The following PLEKHA4 variants were observed in gnomAD, a reference collection of about 807,000 sequenced individuals.
PLEKHA4 encodes the protein pleckstrin homology domain containing A4, also known as pleckstrin homology domain-containing family A member 4.
Under a neutral mutation model 94.7 loss-of-function variants are expected in PLEKHA4, and 73 were observed. That is an observed-to-expected ratio of 0.77 (90% CI 0.64 to 0.94). PLEKHA4 has a LOEUF of 0.94. PLEKHA4 is among the 40% of genes least tolerant of loss of function. The pLI is 0.00. For synonymous variants in PLEKHA4, 449 were observed against 437.1 expected (o/e 1.03, Z -0.34); for missense variants, 1,049 against 1,054.1 (o/e 1.00, Z 0.07).
chr19:48,844,123 T>G (rs946821034), intron 16 of PLEKHA4, among the ~76,000 whole-genome samples: 7 of 16,816 alleles, frequency 4.2e-4, no homozygotes, highest in African/African-American at 1.7e-3. Context: ...ATTTATTTTA[T>G]TATTATTATT....
intron 3 of PLEKHA4, among the ~76,000 whole-genome samples, chr19:48,863,464 T>C (rs2036721873): frequency 1.3e-5 from 2 of 150,094 alleles, no homozygotes; most frequent in Non-Finnish European, 3.0e-5. Flanking sequence ...GAGTCTTCGC[T>C]CTGTCACCCA....
rs527833159 is a variant in PLEKHA4, at chr19:48,837,199, C to G, written c.*90G>C. ...CGGGCCCGCAATGGGGACCAGACCA[C>G]GCCCCCTGATGCCCTGAGTGGTCCC... On this transcript the variant is annotated 3_prime_UTR_variant, in exon 20 of 20. Transcript: ENST00000263265. The surrounding 1 kb of genome is among the most constrained non-coding windows in gnomAD (Gnocchi z 4.3). 14 of 1,585,032 alleles carry G rather than the reference C, an allele frequency of 8.8e-6. No individual in the cohort carries two copies. The African/African-American group carries it at 1.6e-4, about 18-fold the overall frequency.
At position 48,867,653 on chromosome 19, in the gene PLEKHA4, G is replaced by GTC. The variant is rs1180181684; in HGVS notation, c.-6-29_-6-28dup. 6.4e-7 allele frequency: 1 copy of GTC among 1,561,894 alleles called. No individual in the cohort carries two copies. Among genetic ancestry groups the GTC allele is most frequent in the Non-Finnish European group, 8.7e-7 (1 of 1,151,298 alleles). On this transcript the variant is annotated intron_variant, in intron 1 of 19. Coordinates refer to ENST00000263265, the MANE Select transcript of PLEKHA4 (RefSeq NM_020904.3). The surrounding 1 kb of genome is among the most constrained non-coding windows in gnomAD (Gnocchi z 4.7). ...TGGGGGAGAGAAAGAAAGGGGCTGTGTCTCTGCAGTGACGGGTGTGAGACA... is the reference window on the plus strand; with the variant it reads ...TGGGGGAGAGAAAGAAAGGGGCTGTGTCTCTCTGCAGTGACGGGTGTGAGACA...
At chr19:48,849,631 A>G (rs1282338153) in intron 13 of PLEKHA4, among the ~76,000 whole-genome samples, 1 of 152,172 alleles carries the variant, frequency 6.6e-6, no homozygotes, top group Non-Finnish European at 1.5e-5. Context: ...TTAAAGATAC[A>G]TGATTTAGAA....
Position 48,839,243 on chromosome 19 carries a change from TC to T in PLEKHA4, c.1925del (p.Gly642GlufsTer49). The T allele has an allele frequency of 6.3e-7, 1 of 1,594,490 alleles. No individual in the cohort carries two copies. Among genetic ancestry groups the T allele is most frequent in the Non-Finnish European group, 8.6e-7 (1 of 1,167,206 alleles). ...VEQRPVVGHSGAQKWLRSSGS... is the reference protein window; with the variant it reads ...VEQRPVVGHSXAQKWLRSSGS... Reference sequence around the variant, plus strand: ...CAGAGCTTCTGAGCCATTTCTGGGCTCCCGAGTGTCCTACGACAGGCTGGAA... The same window carrying T: ...CAGAGCTTCTGAGCCATTTCTGGGCTCCGAGTGTCCTACGACAGGCTGGAA... On this transcript the variant is annotated frameshift_variant, in exon 18 of 20. Coordinates refer to ENST00000263265, the MANE Select transcript of PLEKHA4 (RefSeq NM_020904.3). LOFTEE classifies it high-confidence loss of function.
In PLEKHA4 at chr19:48,845,990, G is replaced by A. The variant is rs111371998; in HGVS notation, c.1567-374C>T. Among the ~76,000 whole-genome samples, 659 of 146,428 alleles carry A rather than the reference G, an allele frequency of 4.5e-3. 3 individuals are homozygous for A. Among genetic ancestry groups the A allele is most frequent in the African/African-American group, 0.016 (615 of 39,384 alleles). ...CGCACCACTGCACTCCAGCCTGGGC[G>A]GCAGAGCAAGACTCTGCCTCAAAAA... On this transcript the variant is annotated intron_variant, in intron 14 of 19. Transcript: ENST00000263265.
At position 48,853,662 on chromosome 19, in the gene PLEKHA4, G is replaced by C; in HGVS notation, c.1326+20C>G. The C allele has an allele frequency of 6.6e-7, 1 of 1,517,774 alleles. No homozygotes were observed. Among genetic ancestry groups the C allele is most frequent in the Non-Finnish European group, 8.8e-7 (1 of 1,135,844 alleles). 94.0% of individuals were successfully genotyped at this position (1,517,774 alleles called of 1,614,324 possible). A position where few individuals can be genotyped will look rare whatever the true frequency, so the allele number is the denominator to read the frequency against. On this transcript the variant is annotated intron_variant, in intron 12 of 19. Coordinates refer to ENST00000263265, the MANE Select transcript of PLEKHA4 (RefSeq NM_020904.3). ...GTCCTGGGGCCTCCTAGGAGGGCAG[G>C]CCCCTTCCCAGGTGCTCACCTGAGT... is the stretch of plus-strand genomic sequence containing the variant.
chr19:48,859,132 T>A lies in PLEKHA4; in HGVS notation c.700A>T (p.Thr234Ser), dbSNP rs199829240. ...GGCGAGGGAGGGCGAGAGAGGGGGG[T>A]GAACAGGCTGTGGGAAGGAGAGAAT... ...MRRARSPDLF[T>S]PLSRPPSPLS... Residue 234 changes from threonine to serine, a missense_variant, in exon 8 of 20, where the codon ACC becomes TCC. Coordinates refer to ENST00000263265, the MANE Select transcript of PLEKHA4 (RefSeq NM_020904.3). The A allele has an allele frequency of 3.4e-4, 511 of 1,500,534 alleles. 2 individuals carry two copies. In the East Asian group the frequency reaches 0.011, roughly 32 times the overall value. 93.0% of individuals were successfully genotyped at this position (1,500,534 alleles called of 1,614,324 possible). A position where few individuals can be genotyped will look rare whatever the true frequency, so the allele number is the denominator to read the frequency against.
intron 13 of PLEKHA4, among the ~76,000 whole-genome samples, chr19:48,850,341 T>G (rs1485526833): frequency 6.6e-6 from 1 of 151,154 alleles, no homozygotes; most frequent in Non-Finnish European, 1.5e-5. Context: ...CCATCTCTAC[T>G]AAAAATACAA....
Position 48,841,160 on chromosome 19 carries a change from CG to C in PLEKHA4, c.1893del (p.Asp631GlufsTer8). The C allele has an allele frequency of 1.2e-6, 2 of 1,609,894 alleles. No homozygotes were observed. The highest frequency in any genetic ancestry group is 1.7e-6 in the Non-Finnish European group (2 of 1,178,278). ...CCTCCTCCCCTCACCCTTTGCTCCA[CG>C]TCAGGCTGGCGTCTGGCTGGGGACA... ...RTLSPARRQP[D>X]VEQRPVVGHS... On this transcript the variant is annotated frameshift_variant, in exon 17 of 20. Coordinates refer to ENST00000263265, the MANE Select transcript of PLEKHA4 (RefSeq NM_020904.3). LOFTEE classifies it high-confidence loss of function.
At position 48,859,529 on chromosome 19, in the gene PLEKHA4, G is replaced by A. The variant is rs919108222; in HGVS notation, c.632C>T (p.Thr211Ile). ...SRGRGRPRLL[T>I]PSPTTDLHSG... Reference sequence around the variant, plus strand: ...GTGGAGGTCGGTTGTGGGGCTGGGAGTGAGCAGCCTGGGTCTACCACGACC... The same window carrying A: ...GTGGAGGTCGGTTGTGGGGCTGGGAATGAGCAGCCTGGGTCTACCACGACC... The change falls in exon 7 of 20, where the codon ACT (threonine) becomes ATT (isoleucine). Residue 211 changes from threonine (T) to isoleucine (I), a missense_variant. Coordinates refer to ENST00000263265, the MANE Select transcript of PLEKHA4 (RefSeq NM_020904.3). 6.2e-7 allele frequency: 1 copy of A among 1,614,086 alleles called. No individual in the cohort carries two copies. Among genetic ancestry groups the A allele is most frequent in the South Asian group, 1.1e-5 (1 of 91,086 alleles).
chr19:48,859,739 T>A, intron 6 of PLEKHA4, 55 bp from the exon 7 acceptor site: 1 of 1,493,680 alleles, frequency 6.7e-7, no homozygotes, highest in African/African-American at 1.4e-5. Flanking sequence ...AACAGCCCTA[T>A]TCTCTTGTCA....
At chr19:48,848,305 T>G (rs1249210704) in intron 13 of PLEKHA4, among the ~76,000 whole-genome samples, 1 of 143,500 alleles carries the variant, frequency 7.0e-6, no homozygotes, top group Non-Finnish European at 1.5e-5. Flanking sequence ...GCTAAAACGG[T>G]GAAACCCCGT....
chr19:48,865,546 T>A lies in PLEKHA4; in HGVS notation c.149A>T (p.Asp50Val). 6.2e-7 allele frequency: 1 copy of A among 1,614,028 alleles called. No homozygotes were observed. Among genetic ancestry groups the A allele is most frequent in the Admixed American group, 1.7e-5 (1 of 59,980 alleles). ...TCGGATGTGCACGGGAAGGTTGGGA[T>A]CCCTCCTGAGCGCATTGCCTCTCTT... ...FGKRGNALRR[D>V]PNLPVHIRGW... Residue 50 changes from aspartate (D) to valine (V), a missense_variant, in exon 3 of 20, where the codon GAT becomes GTT. Asp to Val is a radical substitution (Grantham distance 152). Coordinates refer to ENST00000263265, the MANE Select transcript of PLEKHA4 (RefSeq NM_020904.3).
chr19:48,864,768 T>A (rs756161945), intron 3 of PLEKHA4, among the ~76,000 whole-genome samples: 1 of 151,524 alleles, frequency 6.6e-6, no homozygotes, highest in Admixed American at 6.6e-5. Context: ...ATGAGGTTTC[T>A]TCATGTTGCC....
In PLEKHA4 at chr19:48,837,790, G is replaced by A. The variant is rs903791910; in HGVS notation, c.2077+227C>T. On this transcript the variant is annotated intron_variant, in intron 19 of 19. Coordinates refer to ENST00000263265, the MANE Select transcript of PLEKHA4 (RefSeq NM_020904.3). The surrounding 1 kb of genome is among the most constrained non-coding windows in gnomAD (Gnocchi z 4.3). ...CAGTCCTCTTTGAGACTCAGTTGTCGGCCCTCTCCCCGCCCCCTGACCTCT... is the reference window on the plus strand; with the variant it reads ...CAGTCCTCTTTGAGACTCAGTTGTCAGCCCTCTCCCCGCCCCCTGACCTCT... 6.7e-6 allele frequency among the ~76,000 whole-genome samples: 1 copy of A among 150,282 alleles called. No homozygotes were observed. The highest frequency in any genetic ancestry group is 2.5e-5 in the African/African-American group (1 of 40,668).
At chr19:48,856,075 G>C (rs376156118) in intron 9 of PLEKHA4, among the ~76,000 whole-genome samples, 3 of 151,890 alleles carry the variant, frequency 2.0e-5, no homozygotes, top group East Asian at 3.9e-4. Flanking sequence ...GGGCAGCTGA[G>C]GCAGGAGAAT....
At chr19:48,861,588 T>C (rs752579593) in intron 4 of PLEKHA4, 32 bp downstream of exon 4, 2 of 1,611,532 alleles carry the variant, frequency 1.2e-6, no homozygotes, top group Middle Eastern at 1.7e-4. Context: ...GGGGGGGCCC[T>C]CCCACCCCAA....
At chr19:48,844,442 A>C (rs1373702157) in intron 16 of PLEKHA4, 1 of 985,090 alleles carries the variant, frequency 1.0e-6, no homozygotes, top group East Asian at 1.1e-4. Context: ...GGTACGAGCC[A>C]CGGTTCCCAG....
Sources: gnomAD v4.1 joint callset for allele counts (sites outside exome capture counted in the v4.1 genomes callset) on GRCh38, gnomAD v4.1.1 for gene constraint, Gnocchi (gnomAD v3.1) non-coding constraint, MANE v1.5 for transcripts, NCBI Gene and HGNC (gene_info 2026-07-23, HGNC 2026-07-21) for gene names.